CYP2J2: variants seen among roughly 807,000 people sequenced by gnomAD.
CYP2J2 encodes the protein cytochrome P450 2J2.
Under a neutral mutation model 48.8 loss-of-function variants are expected in CYP2J2, and 41 were observed. The observed-to-expected ratio is 0.84, with a 90% CI of 0.66 to 1.09. The LOEUF is 1.09. Ranked by LOEUF, CYP2J2 falls within the 50% of genes least tolerant of loss-of-function variation. CYP2J2 has a pLI of 0.00. For missense variants in CYP2J2, 644 were observed against 617.3 expected, an observed-to-expected ratio of 1.04 and a Z score of -0.46; for synonymous variants, 221 against 227.1, an observed-to-expected ratio of 0.97 and a Z score of 0.24.
At chr1:59,924,353 A>G (rs897180987) in intron 1 of CYP2J2, among the ~76,000 whole-genome samples, 5 of 152,198 alleles carry the variant, frequency 3.3e-5, no homozygotes, top group Non-Finnish European at 7.4e-5. Context: ...TAACATCAGA[A>G]ATGAAAAAAG....
At chr1:59,906,011 C>A (rs1368207544) in intron 6 of CYP2J2, among the ~76,000 whole-genome samples, 1 of 152,072 alleles carries the variant, frequency 6.6e-6, no homozygotes. Flanking sequence ...ACGGTGAAAT[C>A]CCATCTCTAC....
chr1:59,931,137 A>G (rs567328845), upstream of CYP2J2, among the ~76,000 whole-genome samples: 1 of 152,178 alleles, frequency 6.6e-6, no homozygotes, highest in Non-Finnish European at 1.5e-5. Context: ...AAAATTAGAG[A>G]CACACAATCC....
chr1:59,924,233 T>C (rs1248777474), intron 1 of CYP2J2, among the ~76,000 whole-genome samples: 2 of 152,150 alleles, frequency 1.3e-5, no homozygotes, highest in Non-Finnish European at 2.9e-5. Flanking sequence ...GAAGGTGAAA[T>C]AAATACATTC....
At chr1:59,947,743 C>T in the CYP2J2 span, among the ~76,000 whole-genome samples, 12 of 152,120 alleles carry the variant, frequency 7.9e-5, no homozygotes. Context: ...ATAATCTGGG[C>T]CAGCTTAACT....
At chr1:59,913,679 A>C (rs1309246740) in intron 2 of CYP2J2, among the ~76,000 whole-genome samples, 1 of 152,062 alleles carries the variant, frequency 6.6e-6, no homozygotes, top group African/African-American at 2.4e-5. Context: ...GGACTAACCT[A>C]CTGTTATTTC....
rs1644568142 is a variant in CYP2J2, at chr1:59,926,661, AG to A, written c.85del (p.Leu29CysfsTer44). 6.2e-7 allele frequency: 1 copy of A among 1,614,118 alleles called. No individual in the cohort carries two copies. Among genetic ancestry groups the A allele is most frequent in the African/African-American group, 1.3e-5 (1 of 74,948 alleles). On this transcript the variant is annotated frameshift_variant, in exon 1 of 9. Transcript: ENST00000371204. LOFTEE classifies it high-confidence loss of function. ...TCTTTTGAGAAAGTCAGCAGCGAGC[AG>A]AAAGGCGACAGTGCCCAGTAGGAGA... ...RTLLLGTVAFLLAADFLKRRR... is the reference protein window; with the variant it reads ...RTLLLGTVAFXLAADFLKRRR...
At chr1:59,932,235 T>C in the CYP2J2 span, among the ~76,000 whole-genome samples, 29 of 152,200 alleles carry the variant, frequency 1.9e-4, no homozygotes, top group Middle Eastern at 3.4e-3. Flanking sequence ...GGATATTCCA[T>C]AGGAAAAAAA....
intron 4 of CYP2J2, 39 bp from the exon 5 acceptor site, chr1:59,909,999 G>A: frequency 1.3e-6 from 2 of 1,502,640 alleles, no homozygotes; most frequent in Non-Finnish European, 9.0e-7. Flanking sequence ...AGATAACATG[G>A]TGCCATTTTT....
chr1:59,905,107 T>C (rs1262111838), intron 6 of CYP2J2, 49 bp from the exon 7 acceptor site: 1 of 1,568,326 alleles, frequency 6.4e-7, no homozygotes. Flanking sequence ...TTATGCTTTA[T>C]TATAAAGAGG....
At chr1:59,907,234 A>G (rs1405055004) in intron 6 of CYP2J2, among the ~76,000 whole-genome samples, 1 of 152,198 alleles carries the variant, frequency 6.6e-6, no homozygotes, top group Non-Finnish European at 1.5e-5. Context: ...AAGAAGAGCT[A>G]GGAGTTTACT....
chr1:59,950,328 G>C, the CYP2J2 span, among the ~76,000 whole-genome samples: 1 of 152,174 alleles, frequency 6.6e-6, no homozygotes, highest in African/African-American at 2.4e-5. Flanking sequence ...AAGACCATTT[G>C]CTTTGCTGCA....
intron 1 of CYP2J2, among the ~76,000 whole-genome samples, chr1:59,918,483 T>C (rs1030918948): frequency 6.6e-6 from 1 of 152,140 alleles, no homozygotes; most frequent in Non-Finnish European, 1.5e-5. Flanking sequence ...ACTTGTATGG[T>C]ATTATCAACT....
At chr1:59,965,118 T>A in the CYP2J2 span, among the ~76,000 whole-genome samples, 1 of 152,342 alleles carries the variant, frequency 6.6e-6, no homozygotes, top group East Asian at 1.9e-4. Flanking sequence ...ATGAGCTGAA[T>A]TGTCATTTTC....
At chr1:59,901,163 G>A in intron 7 of CYP2J2, 60 bp from the exon 8 acceptor site, 1 of 1,570,808 alleles carries the variant, frequency 6.4e-7, no homozygotes, top group Non-Finnish European at 8.7e-7. Flanking sequence ...CACCTATGCA[G>A]AGGGGTGGTC....
chr1:59,956,502 T>A, the CYP2J2 span, among the ~76,000 whole-genome samples: 3 of 152,162 alleles, frequency 2.0e-5, no homozygotes, highest in African/African-American at 7.2e-5. Context: ...CTTCTGGCTA[T>A]GTTTTTGTCT....
chr1:59,961,818 A>G, the CYP2J2 span, among the ~76,000 whole-genome samples: 1 of 152,134 alleles, frequency 6.6e-6, no homozygotes. Context: ...TAGAATAAAA[A>G]GAAATGAAGT....
At chr1:59,903,199 C>A (rs1644335906) in intron 7 of CYP2J2, among the ~76,000 whole-genome samples, 1 of 152,152 alleles carries the variant, frequency 6.6e-6, no homozygotes, top group South Asian at 2.1e-4. Context: ...AATGGGTAAG[C>A]TCTTCTGATT....
chr1:59,923,002 G>A (rs10493270), intron 1 of CYP2J2, among the ~76,000 whole-genome samples: 13,143 of 152,256 alleles, frequency 0.086, 785 homozygotes, highest in East Asian at 0.16. Context: ...CTAAGCTGAA[G>A]TAAAGAAACT....
At chr1:59,919,924 C>T (rs1336026039) in intron 1 of CYP2J2, among the ~76,000 whole-genome samples, 3 of 151,992 alleles carry the variant, frequency 2.0e-5, no homozygotes, top group Non-Finnish European at 4.4e-5. Flanking sequence ...GCATATCATA[C>T]ATGGAGGTAA....
Sources: gnomAD v4.1 joint callset for allele counts (sites outside exome capture counted in the v4.1 genomes callset) on GRCh38, gnomAD v4.1.1 for gene constraint, MANE v1.5 for transcripts, NCBI Gene and HGNC (gene_info 2026-07-23, HGNC 2026-07-21) for gene names.